Variants in GRID1 observed in about 807,000 individuals in gnomAD.
GRID1 encodes glutamate receptor ionotropic, delta-1.
Under a neutral mutation model 98.0 loss-of-function variants are expected in GRID1, and 28 were observed. The observed-to-expected ratio is 0.29, with a 90% CI of 0.21 to 0.39. GRID1 has a LOEUF of 0.39. GRID1 is among the 10% of genes least tolerant of loss of function. GRID1 has a pLI of 1.00. For missense variants in GRID1, 1,111 were observed against 1,340.5 expected (o/e 0.83, Z 2.67); for synonymous variants, 553 against 538.5 (o/e 1.03, Z -0.37).
chr10:86,038,371 CAGAT>C (rs1843299547), intron 4 of GRID1, among the ~76,000 whole-genome samples: 1 of 152,214 alleles, frequency 6.6e-6, no homozygotes, highest in African/African-American at 2.4e-5. Flanking sequence ...ATCTGAGACT[CAGAT>C]TGAAATCTTG....
At chr10:86,120,288 C>T (rs962294365) in intron 4 of GRID1, among the ~76,000 whole-genome samples, 2 of 152,212 alleles carry the variant, frequency 1.3e-5, no homozygotes, top group African/African-American at 2.4e-5. Context: ...TGCTGCCCCA[C>T]TGTTTTCTGT....
At chr10:85,969,251 G>A (rs1842376960) in intron 4 of GRID1, among the ~76,000 whole-genome samples, 1 of 152,094 alleles carries the variant, frequency 6.6e-6, no homozygotes, top group Admixed American at 6.5e-5. Flanking sequence ...TATAGTTGGA[G>A]ACTACAATAT....
At chr10:85,615,793 T>C (rs1842781311) in intron 14 of GRID1, among the ~76,000 whole-genome samples, 2 of 152,154 alleles carry the variant, frequency 1.3e-5, no homozygotes, top group Admixed American at 1.3e-4. Flanking sequence ...AAGTCTCTGC[T>C]GGTAGGGGTG....
chr10:85,832,765 AT>A (rs1157495852), intron 8 of GRID1, among the ~76,000 whole-genome samples: 1 of 152,168 alleles, frequency 6.6e-6, no homozygotes, highest in African/African-American at 2.4e-5. Context: ...AATTTTCTAA[AT>A]TCCAACCAAG....
intron 4 of GRID1, among the ~76,000 whole-genome samples, chr10:86,048,589 G>A (rs573943449): frequency 1.3e-5 from 2 of 152,314 alleles, no homozygotes; most frequent in Admixed American, 1.3e-4. Context: ...CCCAGCACAT[G>A]AGGCTCATGG....
chr10:86,087,724 CA>C (rs58380715), intron 4 of GRID1, among the ~76,000 whole-genome samples: 7,948 of 152,242 alleles, frequency 0.052, 474 homozygotes, highest in African/African-American at 0.14. Flanking sequence ...CAGAGATGTG[CA>C]GCCCAGCACA....
chr10:85,955,900 A>G (rs1426272861), intron 4 of GRID1, among the ~76,000 whole-genome samples: 1 of 152,066 alleles, frequency 6.6e-6, no homozygotes, highest in East Asian at 1.9e-4. Flanking sequence ...GGAGCTGGCC[A>G]TTGTGCTCCC....
At chr10:85,914,661 C>A (rs1266955102) in intron 5 of GRID1, among the ~76,000 whole-genome samples, 5 of 152,174 alleles carry the variant, frequency 3.3e-5, no homozygotes, top group African/African-American at 1.2e-4. Flanking sequence ...TAGTTACAAT[C>A]TGATACTACC....
intron 4 of GRID1, among the ~76,000 whole-genome samples, chr10:86,087,623 G>A (rs1844082730): frequency 6.6e-6 from 1 of 152,022 alleles, no homozygotes; most frequent in Non-Finnish European, 1.5e-5. Context: ...ACTCCTATGT[G>A]TCCAATAATC....
chr10:86,042,476 C>T (rs1843360616), intron 4 of GRID1, among the ~76,000 whole-genome samples: 1 of 152,162 alleles, frequency 6.6e-6, no homozygotes, highest in Admixed American at 6.5e-5. Context: ...AGCAGAGTCC[C>T]AGGACCAAGG....
chr10:86,336,245 A>G (rs1026541568), intron 2 of GRID1, among the ~76,000 whole-genome samples: 2 of 152,246 alleles, frequency 1.3e-5, no homozygotes, highest in Non-Finnish European at 2.9e-5. Context: ...ACAATAACAC[A>G]TAGAAACACT....
intron 4 of GRID1, among the ~76,000 whole-genome samples, chr10:86,131,856 A>G (rs79188269): frequency 0.026 from 3,908 of 152,270 alleles, 177 homozygotes; most frequent in African/African-American, 0.088. Flanking sequence ...GTGGGGACAG[A>G]AGTCGGTGCT....
At chr10:85,699,191 C>T (rs1452468178) in intron 12 of GRID1, among the ~76,000 whole-genome samples, 1 of 151,938 alleles carries the variant, frequency 6.6e-6, no homozygotes, top group Admixed American at 6.6e-5. Flanking sequence ...TAGCTGGAAT[C>T]ACAAGCATGC....
intron 2 of GRID1, among the ~76,000 whole-genome samples, chr10:86,222,436 A>G (rs1287872458): frequency 6.6e-6 from 1 of 152,074 alleles, no homozygotes; most frequent in Non-Finnish European, 1.5e-5. Context: ...GGGTGGTGGG[A>G]GCAGTGGGTC....
At chr10:85,848,849 C>A (rs1157162583) in intron 8 of GRID1, among the ~76,000 whole-genome samples, 3 of 152,136 alleles carry the variant, frequency 2.0e-5, no homozygotes, top group Admixed American at 2.0e-4. Flanking sequence ...TAGTTCTGCA[C>A]AAGGGTTCAG....
At chr10:85,857,276 G>A (rs907944313) in intron 6 of GRID1, among the ~76,000 whole-genome samples, 1 of 152,172 alleles carries the variant, frequency 6.6e-6, no homozygotes, top group Non-Finnish European at 1.5e-5. Flanking sequence ...GGAGGGCAAG[G>A]CCATGACTGA....
intron 5 of GRID1, among the ~76,000 whole-genome samples, chr10:85,887,377 C>T (rs958472741): frequency 6.6e-6 from 1 of 152,198 alleles, no homozygotes; most frequent in Non-Finnish European, 1.5e-5. Context: ...CCCCTAAAAA[C>T]TTATGGGGTA....
rs565530310 is a variant in GRID1, at chr10:85,773,900, C to CTATA, written c.1234-44287_1234-44286insTATA. On this transcript the variant is annotated intron_variant, in intron 8 of 15. Coordinates refer to ENST00000327946, the MANE Select transcript of GRID1 (RefSeq NM_017551.3). ...ATATCATGAAAATGGCCATACTGCC[C>CTATA]AAGGTAATTTATAGATTCAATGCCA... Among the ~76,000 whole-genome samples the CTATA allele has an allele frequency of 2.4e-3, 362 of 152,238 alleles. 3 individuals are homozygous for CTATA. The highest frequency in any genetic ancestry group is 8.5e-3 in the African/African-American group (352 of 41,526).
chr10:86,047,736 G>A (rs1843444411), intron 4 of GRID1, among the ~76,000 whole-genome samples: 1 of 152,058 alleles, frequency 6.6e-6, no homozygotes, highest in Non-Finnish European at 1.5e-5. Context: ...CAGAGATGTG[G>A]TTTCTAGGGG....
Sources: allele counts gnomAD v4.1 joint callset (sites outside exome capture counted in the v4.1 genomes callset), GRCh38; gene constraint gnomAD v4.1.1; transcripts MANE v1.5; gene names NCBI Gene and HGNC (gene_info 2026-07-23, HGNC 2026-07-21).